The following PPARGC1B variants were observed in gnomAD, a reference collection of about 807,000 sequenced individuals.
PPARGC1B encodes peroxisome proliferator-activated receptor gamma coactivator 1-beta.
Under a neutral mutation model 101.6 loss-of-function variants are expected in PPARGC1B, and 34 were observed. The observed-to-expected ratio is 0.33, with a 90% CI of 0.25 to 0.45. The LOEUF (loss-of-function observed/expected upper bound fraction) is 0.45, where lower values mean the gene tolerates loss of function less well. Among genes scored for constraint, PPARGC1B ranks in the 20% least tolerant of loss-of-function variants. PPARGC1B has a pLI of 1.00. For synonymous variants in PPARGC1B, 548 were observed against 539.3 expected (o/e 1.02, Z -0.22); for missense variants, 1,234 against 1,317.6 (o/e 0.94, Z 0.98).
chr5:149,851,355 G>C lies in PPARGC1B; in HGVS notation c.*3797G>C, dbSNP rs1444985355. 6.6e-6 allele frequency: 1 copy of C among 152,346 alleles called. No homozygotes were observed. The highest frequency in any genetic ancestry group is 1.9e-4 in the East Asian group (1 of 5,182). The allele number at this position is 152,346 out of a possible 1,614,324, so 9.4% of individuals were successfully genotyped here. ...ACAGCTCAGTCCATGGCCCATCCCA[G>C]GTATAGAGTTCAGTTAATCCCATTT... On this transcript the variant is annotated 3_prime_UTR_variant, in exon 12 of 12. Transcript: ENST00000309241.
chr5:149,766,533 C>T (rs548736821), intron 1 of PPARGC1B, among the ~76,000 whole-genome samples: 65 of 152,274 alleles, frequency 4.3e-4, no homozygotes, highest in African/African-American at 1.3e-3. Context: ...TTTCATGTGG[C>T]AGAGCTGGAA....
At chr5:149,828,253 G>T (rs973365446) in intron 3 of PPARGC1B, among the ~76,000 whole-genome samples, 1 of 152,212 alleles carries the variant, frequency 6.6e-6, no homozygotes, top group Admixed American at 6.5e-5. Context: ...GGCTCCTGCC[G>T]AGAGGGGGTC....
Position 149,830,861 on chromosome 5 carries a change from A to T in PPARGC1B, c.560A>T (p.Lys187Ile), listed in dbSNP as rs772403125. 6.2e-7 allele frequency: 1 copy of T among 1,613,372 alleles called. No homozygotes were observed. Among genetic ancestry groups the T allele is most frequent in the South Asian group, 1.1e-5 (1 of 91,042 alleles). ...TAWRQAGLRSKSQRPCVKADS... is the reference protein window; with the variant it reads ...TAWRQAGLRSISQRPCVKADS... ...TGGCGCCAGGCAGGCCTCAGATCTA[A>T]AAGTCAACGGCCTTGTGTTAAGGTA... is the stretch of plus-strand genomic sequence containing the variant. The change falls in exon 4 of 12, where the codon AAA becomes ATA. Residue 187 changes from lysine to isoleucine, a missense_variant. Physicochemically the swap from Lys to Ile is moderately radical, Grantham distance 102. Transcript: ENST00000309241.
At chr5:149,809,732 A>G (rs936896493) in intron 1 of PPARGC1B, among the ~76,000 whole-genome samples, 1 of 149,606 alleles carries the variant, frequency 6.7e-6, no homozygotes, top group Non-Finnish European at 1.5e-5. Flanking sequence ...ATTTCATGTT[A>G]TTTATATTTT....
intron 1 of PPARGC1B, among the ~76,000 whole-genome samples, chr5:149,767,105 C>A (rs1257210226): frequency 6.6e-6 from 1 of 152,206 alleles, no homozygotes; most frequent in Non-Finnish European, 1.5e-5. Context: ...GTCTTCCTTG[C>A]ACTAGAAAAC....
At chr5:149,755,586 A>T (rs1448862831) in intron 1 of PPARGC1B, among the ~76,000 whole-genome samples, 1 of 140,948 alleles carries the variant, frequency 7.1e-6, no homozygotes, top group Non-Finnish European at 1.5e-5. Flanking sequence ...TCTGCTGTAG[A>T]TGTTGTTGTT....
intron 1 of PPARGC1B, among the ~76,000 whole-genome samples, chr5:149,765,191 A>G (rs1295644884): frequency 6.6e-6 from 1 of 152,256 alleles, no homozygotes; most frequent in African/African-American, 2.4e-5. Context: ...TTGTTAAAGG[A>G]GGCGAGAAGG....
chr5:149,832,572 G>A lies in PPARGC1B; in HGVS notation c.583-84G>A. On this transcript the variant is annotated intron_variant, in intron 4 of 11. Coordinates refer to ENST00000309241, the MANE Select transcript of PPARGC1B (RefSeq NM_133263.4). The surrounding 1 kb of genome is among the most constrained non-coding windows in gnomAD (Gnocchi z 4.9). ...TCCTATGATCCAGGTGAGACACAAT[G>A]GGCCAGCCAGTGACCATGCGGATGA... is the stretch of plus-strand genomic sequence containing the variant. 8.7e-7 allele frequency: 1 copy of A among 1,152,198 alleles called. No homozygotes were observed. The highest frequency in any genetic ancestry group is 1.2e-6 in the Non-Finnish European group (1 of 817,352). 71.4% of individuals were successfully genotyped at this position (1,152,198 alleles called of 1,614,324 possible).
At chr5:149,761,161 G>C (rs1050010904) in intron 1 of PPARGC1B, among the ~76,000 whole-genome samples, 5 of 152,032 alleles carry the variant, frequency 3.3e-5, no homozygotes, top group Non-Finnish European at 7.4e-5. Context: ...GTGATGATTT[G>C]ATGTATGTAT....
chr5:149,841,968 A>G (rs1412079312), intron 9 of PPARGC1B, among the ~76,000 whole-genome samples: 6 of 152,220 alleles, frequency 3.9e-5, no homozygotes, highest in Non-Finnish European at 1.5e-5. Flanking sequence ...ATATGCAGGC[A>G]TATCAATGGT....
At chr5:149,791,031 G>A (rs1021414050) in intron 1 of PPARGC1B, among the ~76,000 whole-genome samples, 2 of 152,100 alleles carry the variant, frequency 1.3e-5, no homozygotes, top group African/African-American at 2.4e-5. Flanking sequence ...GTTCACTCCT[G>A]TAATCCCAGC....
intron 1 of PPARGC1B, among the ~76,000 whole-genome samples, chr5:149,745,681 C>T (rs1387650428): frequency 6.6e-6 from 1 of 152,268 alleles, no homozygotes; most frequent in East Asian, 1.9e-4. Context: ...TCCATTTGAT[C>T]TTCACATCAA....
chr5:149,783,091 A>AAGAGAC (rs112659881), intron 1 of PPARGC1B, among the ~76,000 whole-genome samples: 1 of 149,930 alleles, frequency 6.7e-6, no homozygotes, highest in Non-Finnish European at 1.5e-5. Flanking sequence ...ATGAGAGATA[A>AAGAGAC]AGAGAGAGAG....
chr5:149,746,763 C>T (rs990467001), intron 1 of PPARGC1B, among the ~76,000 whole-genome samples: 3 of 152,138 alleles, frequency 2.0e-5, no homozygotes, highest in Non-Finnish European at 4.4e-5. Context: ...CTAACACTTC[C>T]TGTTTTCTGT....
chr5:149,780,748 G>C (rs1352592069), intron 1 of PPARGC1B, among the ~76,000 whole-genome samples: 1 of 150,926 alleles, frequency 6.6e-6, no homozygotes, highest in African/African-American at 2.5e-5. Flanking sequence ...AGAGAAAACA[G>C]AATCAAAAGC....
At chr5:149,810,252 T>C (rs2113323567) in intron 1 of PPARGC1B, among the ~76,000 whole-genome samples, 1 of 152,370 alleles carries the variant, frequency 6.6e-6, no homozygotes, top group South Asian at 2.1e-4. Context: ...AATGTGTATA[T>C]TACCCTGCCT....
chr5:149,821,169 A>G (rs1338702064), intron 2 of PPARGC1B, among the ~76,000 whole-genome samples: 1 of 152,212 alleles, frequency 6.6e-6, no homozygotes, highest in Admixed American at 6.5e-5. Context: ...GTTTGTGTAT[A>G]TTAATTCATT....
chr5:149,738,947 G>A (rs1754820885), intron 1 of PPARGC1B, among the ~76,000 whole-genome samples: 1 of 152,240 alleles, frequency 6.6e-6, no homozygotes, highest in South Asian at 2.1e-4. Flanking sequence ...CACGTGGCTT[G>A]TGCCACTTAC....
intron 1 of PPARGC1B, among the ~76,000 whole-genome samples, chr5:149,785,915 CT>C (rs10622982): frequency 0.018 from 2,461 of 140,340 alleles, 23 homozygotes; most frequent in Non-Finnish European, 0.025. Flanking sequence ...GACACTCATT[CT>C]TTTTTTTTTT....
Sources: gnomAD v4.1 joint callset for allele counts (sites outside exome capture counted in the v4.1 genomes callset) on GRCh38, gnomAD v4.1.1 for gene constraint, Gnocchi (gnomAD v3.1) non-coding constraint, MANE v1.5 for transcripts, NCBI Gene and HGNC (gene_info 2026-07-23, HGNC 2026-07-21) for gene names.